The following LINGO2 variants were observed in gnomAD, a reference collection of about 807,000 sequenced individuals.
LINGO2 encodes leucine-rich repeat and immunoglobulin-like domain-containing nogo receptor-interacting protein 2.
A neutral mutation model predicts 30.6 loss-of-function variants in LINGO2; 14 were observed. That is an observed-to-expected ratio of 0.46 (90% confidence interval 0.30 to 0.72). LINGO2 has a LOEUF of 0.72. Among genes scored for constraint, LINGO2 ranks in the 30% least tolerant of loss-of-function variants. The probability of loss-of-function intolerance (pLI) is 0.07; values close to 1 mark genes in which losing one functional copy is unlikely to be tolerated. For missense variants in LINGO2, 729 were observed against 751.7 expected, an observed-to-expected ratio of 0.97 and a Z score of 0.35; for synonymous variants, 317 against 288.5, an observed-to-expected ratio of 1.10 and a Z score of -1.00.
intron 3 of LINGO2, among the ~76,000 whole-genome samples, chr9:28,303,897 G>A (rs535012386): frequency 1.3e-4 from 20 of 152,110 alleles, no homozygotes; most frequent in African/African-American, 4.3e-4. Flanking sequence ...AACTTTTACT[G>A]ACAAAAATCC....
At chr9:29,005,292 T>C in the LINGO2 span, among the ~76,000 whole-genome samples, 4 of 151,774 alleles carry the variant, frequency 2.6e-5, no homozygotes, top group African/African-American at 9.7e-5. Context: ...CCAAAAGTTA[T>C]CCACTGTAGA....
intron 3 of LINGO2, among the ~76,000 whole-genome samples, chr9:28,299,938 G>A (rs1824072803): frequency 6.6e-6 from 1 of 152,060 alleles, no homozygotes; most frequent in South Asian, 2.1e-4. Flanking sequence ...TCAGCATGGT[G>A]TCCAAACAAC....
chr9:28,919,440 T>C, the LINGO2 span, among the ~76,000 whole-genome samples: 1 of 152,144 alleles, frequency 6.6e-6, no homozygotes. Flanking sequence ...ATGTATAACA[T>C]AGCATGAAAT....
At chr9:28,858,168 TA>T in the LINGO2 span, among the ~76,000 whole-genome samples, 3 of 152,068 alleles carry the variant, frequency 2.0e-5, no homozygotes, top group Non-Finnish European at 4.4e-5. Context: ...ATGATGCTTT[TA>T]AAATCTGAGT....
intron 4 of LINGO2, among the ~76,000 whole-genome samples, chr9:28,019,093 A>G (rs72722864): frequency 0.028 from 4,189 of 152,168 alleles, 85 homozygotes; most frequent in South Asian, 0.076. Context: ...ATGGGCACTA[A>G]GAAGGGAAAA....
chr9:28,395,724 A>G (rs1026714928), intron 2 of LINGO2, among the ~76,000 whole-genome samples: 1 of 152,180 alleles, frequency 6.6e-6, no homozygotes, highest in African/African-American at 2.4e-5. Flanking sequence ...TGTTTTCATC[A>G]CTTCTTGAAA....
the LINGO2 span, among the ~76,000 whole-genome samples, chr9:29,191,235 T>C: frequency 3.3e-5 from 5 of 152,278 alleles, no homozygotes. Flanking sequence ...TATAAGCGTA[T>C]TCAGTCTGTT....
At chr9:28,669,860 G>A (rs1049348091) in intron 1 of LINGO2, among the ~76,000 whole-genome samples, 1 of 152,006 alleles carries the variant, frequency 6.6e-6, no homozygotes, top group African/African-American at 2.4e-5. Context: ...ACTTTCAAAT[G>A]TATATTAGAA....
the LINGO2 span, among the ~76,000 whole-genome samples, chr9:28,933,500 G>T: frequency 7.5e-6 from 1 of 132,626 alleles, no homozygotes; most frequent in African/African-American, 2.8e-5. Context: ...TAAGATGGTA[G>T]TAGGAGAAGA....
chr9:27,958,214 T>A (rs1190549614), intron 5 of LINGO2, among the ~76,000 whole-genome samples: 1 of 152,206 alleles, frequency 6.6e-6, no homozygotes, highest in African/African-American at 2.4e-5. Context: ...TCTTATTGTT[T>A]TTCTCCATTA....
chr9:28,749,805 G>C, the LINGO2 span, among the ~76,000 whole-genome samples: 1 of 151,972 alleles, frequency 6.6e-6, no homozygotes, highest in Admixed American at 6.6e-5. Flanking sequence ...AAAGAGTTGA[G>C]TGTCCTGATA....
At chr9:28,533,268 C>T (rs1821303871) in intron 1 of LINGO2, among the ~76,000 whole-genome samples, 1 of 152,062 alleles carries the variant, frequency 6.6e-6, no homozygotes, top group South Asian at 2.1e-4. Context: ...CAGTAGTTTG[C>T]CTGGGGCTTT....
the LINGO2 span, among the ~76,000 whole-genome samples, chr9:29,088,615 A>AT: frequency 1.3e-5 from 2 of 152,192 alleles, no homozygotes; most frequent in African/African-American, 4.8e-5. Context: ...GCTAGGTAAA[A>AT]TATTAGTGAA....
At chr9:28,551,352 T>C (rs1044707112) in intron 1 of LINGO2, among the ~76,000 whole-genome samples, 2 of 151,786 alleles carry the variant, frequency 1.3e-5, no homozygotes, top group Admixed American at 1.3e-4. Flanking sequence ...TCTACTTATA[T>C]AAAGTATGTA....
intron 5 of LINGO2, among the ~76,000 whole-genome samples, chr9:27,981,970 C>T (rs961718079): frequency 6.6e-6 from 1 of 151,714 alleles, no homozygotes; most frequent in Admixed American, 6.6e-5. Context: ...AAAGCCACAC[C>T]GTCTGATTCT....
the LINGO2 span, among the ~76,000 whole-genome samples, chr9:28,745,649 A>G: frequency 1.1e-3 from 169 of 152,192 alleles, 4 homozygotes; most frequent in African/African-American, 4.0e-3. Context: ...TAAAAGATTG[A>G]TATGTGCCAT....
At chr9:29,074,961 C>T in the LINGO2 span, among the ~76,000 whole-genome samples, 2 of 152,016 alleles carry the variant, frequency 1.3e-5, no homozygotes, top group East Asian at 3.9e-4. Context: ...CAGGCGTGAG[C>T]CACCGCGCCA....
At chr9:28,106,472 T>C (rs1826595918) in intron 4 of LINGO2, among the ~76,000 whole-genome samples, 1 of 152,280 alleles carries the variant, frequency 6.6e-6, no homozygotes, top group Middle Eastern at 3.4e-3. Flanking sequence ...CATGCAAGAA[T>C]GAAAAAGTCG....
At chr9:28,241,274 A>AG (rs1420386531) in intron 4 of LINGO2, among the ~76,000 whole-genome samples, 1 of 40,240 alleles carries the variant, frequency 2.5e-5, no homozygotes, top group Non-Finnish European at 4.6e-5. Context: ...TCTCAAAAAA[A>AG]AAAAAAAAAA....
Sources: gnomAD v4.1 joint callset for allele counts (sites outside exome capture counted in the v4.1 genomes callset) on GRCh38, gnomAD v4.1.1 for gene constraint, MANE v1.5 for transcripts, NCBI Gene and HGNC (gene_info 2026-07-23, HGNC 2026-07-21) for gene names.